Variants in TESK2 observed in about 807,000 individuals in gnomAD.
The protein encoded by TESK2 is testis associated actin remodelling kinase 2.
In TESK2, 39 loss-of-function variants were observed where a neutral mutation model predicts 57.1. That is an observed-to-expected ratio of 0.68 (90% CI 0.53 to 0.89). The LOEUF (loss-of-function observed/expected upper bound fraction) is 0.89, where lower values mean the gene tolerates loss of function less well. Among genes scored for constraint, TESK2 ranks in the 40% least tolerant of loss-of-function variants. The pLI, the probability that TESK2 is intolerant of heterozygous loss-of-function variation, is 0.00. For missense variants in TESK2, 646 were observed against 732.1 expected (o/e 0.88, Z 1.36); for synonymous variants, 249 against 267.9 (o/e 0.93, Z 0.69).
chr1:45,483,826 T>C (rs1270776579), intron 1 of TESK2, among the ~76,000 whole-genome samples: 2 of 148,936 alleles, frequency 1.3e-5, no homozygotes, highest in African/African-American at 2.5e-5. Context: ...AGGGAGGCCC[T>C]GTCTCTACAA....
chr1:45,422,632 C>T (rs1262750629), intron 2 of TESK2, among the ~76,000 whole-genome samples: 1 of 151,942 alleles, frequency 6.6e-6, no homozygotes, highest in Admixed American at 6.6e-5. Flanking sequence ...TTAGTAGAGA[C>T]AGGTTTTCAC....
chr1:45,404,611 T>G (rs1282105949), intron 3 of TESK2, among the ~76,000 whole-genome samples: 3 of 151,480 alleles, frequency 2.0e-5, no homozygotes, highest in African/African-American at 7.3e-5. Context: ...TGGCGCGATC[T>G]TGGCTCACTG....
chr1:45,482,490 T>C (rs1653267932), intron 1 of TESK2, among the ~76,000 whole-genome samples: 1 of 151,772 alleles, frequency 6.6e-6, no homozygotes, highest in African/African-American at 2.4e-5. Flanking sequence ...ATCAGACCAC[T>C]GCACTCCAGC....
chr1:45,489,023 G>A (rs1653604294), intron 1 of TESK2, among the ~76,000 whole-genome samples: 1 of 151,938 alleles, frequency 6.6e-6, no homozygotes, highest in African/African-American at 2.4e-5. Context: ...AATTATCTGG[G>A]TGTGGTGGCT....
intron 4 of TESK2, among the ~76,000 whole-genome samples, chr1:45,385,706 G>A (rs1648861917): frequency 7.6e-6 from 1 of 131,684 alleles, no homozygotes; most frequent in South Asian, 2.3e-4. Flanking sequence ...ATGTGTGTGT[G>A]TGTGTATATA....
intron 1 of TESK2, among the ~76,000 whole-genome samples, chr1:45,480,771 T>C (rs1653185175): frequency 6.8e-6 from 1 of 146,420 alleles, no homozygotes; most frequent in Non-Finnish European, 1.5e-5. Context: ...GTGGATCACC[T>C]GAGGTCAGGA....
chr1:45,352,582 C>T (rs1396675934), intron 5 of TESK2, among the ~76,000 whole-genome samples: 1 of 152,196 alleles, frequency 6.6e-6, no homozygotes, highest in Non-Finnish European at 1.5e-5. Context: ...CTTTCCTGCT[C>T]AGAAAACTTG....
chr1:45,444,055 T>C (rs918672741), intron 2 of TESK2, among the ~76,000 whole-genome samples: 1 of 152,080 alleles, frequency 6.6e-6, no homozygotes, highest in Non-Finnish European at 1.5e-5. Flanking sequence ...GGCACATGCC[T>C]GCAGTCCTAT....
At chr1:45,455,562 A>C (rs753749659) in intron 2 of TESK2, among the ~76,000 whole-genome samples, 1 of 152,168 alleles carries the variant, frequency 6.6e-6, no homozygotes. Context: ...TGCTGTGTGC[A>C]TTGGGCAATG....
intron 3 of TESK2, among the ~76,000 whole-genome samples, chr1:45,405,650 C>A (rs1649811622): frequency 6.7e-6 from 1 of 148,768 alleles, no homozygotes; most frequent in Non-Finnish European, 1.5e-5. Context: ...ATATCTATAT[C>A]TATATATAGA....
At chr1:45,482,279 G>A (rs1325227394) in intron 1 of TESK2, among the ~76,000 whole-genome samples, 15 of 152,218 alleles carry the variant, frequency 9.9e-5, no homozygotes, top group Middle Eastern at 3.4e-3. Flanking sequence ...GTGATCTCAG[G>A]ACTTTGGGAG....
intron 2 of TESK2, among the ~76,000 whole-genome samples, chr1:45,424,799 G>A (rs775378498): frequency 6.6e-6 from 1 of 152,216 alleles, no homozygotes; most frequent in Non-Finnish European, 1.5e-5. Context: ...TATATCAACA[G>A]AATGAGGGAC....
At chr1:45,422,759 T>TTGTTGTTGTTGTTGTTGTTGTTGTTGTTG (rs1570714206) in intron 2 of TESK2, among the ~76,000 whole-genome samples, 28 of 147,008 alleles carry the variant, frequency 1.9e-4, no homozygotes, top group Middle Eastern at 3.4e-3. Context: ...TGTCTGGTTT[T>TTGTTGTTGTTGTTGTTGTTGTTGTTGTTG]TTGTTGTTGT....
intron 3 of TESK2, among the ~76,000 whole-genome samples, chr1:45,415,533 G>A (rs185982992): frequency 2.0e-5 from 3 of 151,858 alleles, no homozygotes; most frequent in Admixed American, 6.6e-5. Context: ...TTATGATTAC[G>A]AAATAAAAAC....
At chr1:45,443,897 G>GT (rs2149294917) in intron 2 of TESK2, among the ~76,000 whole-genome samples, 1 of 152,246 alleles carries the variant, frequency 6.6e-6, no homozygotes, top group South Asian at 2.1e-4. Flanking sequence ...AGGCTTTGAA[G>GT]GCCAGGTACA....
chr1:45,419,193 G>A (rs1001954608), intron 3 of TESK2, among the ~76,000 whole-genome samples: 4 of 151,988 alleles, frequency 2.6e-5, no homozygotes, highest in African/African-American at 9.7e-5. Flanking sequence ...GGCCAGGATG[G>A]TCTCGAACTC....
chr1:45,464,687 C>A (rs1404560940), intron 1 of TESK2, among the ~76,000 whole-genome samples: 1 of 152,222 alleles, frequency 6.6e-6, no homozygotes, highest in African/African-American at 2.4e-5. Flanking sequence ...TCAGTGCCCT[C>A]AGGGTTCCCT....
chr1:45,431,177 G>C (rs374881579), intron 2 of TESK2, among the ~76,000 whole-genome samples: 2 of 152,176 alleles, frequency 1.3e-5, no homozygotes, highest in South Asian at 2.1e-4. Flanking sequence ...CCAGCACTTT[G>C]GGAGGCCGAG....
intron 2 of TESK2, among the ~76,000 whole-genome samples, chr1:45,444,349 C>T (rs1651565426): frequency 1.3e-5 from 2 of 152,056 alleles, no homozygotes; most frequent in South Asian, 4.1e-4. Flanking sequence ...CAGACCTATT[C>T]CCCCCTTTCC....
Sources: gnomAD v4.1 joint callset for allele counts (sites outside exome capture counted in the v4.1 genomes callset) on GRCh38, gnomAD v4.1.1 for gene constraint, MANE v1.5 for transcripts, NCBI Gene and HGNC (gene_info 2026-07-23, HGNC 2026-07-21) for gene names.